FGF13: variants seen among roughly 807,000 people sequenced by gnomAD.
FGF13 encodes the protein fibroblast growth factor 13.
A neutral mutation model predicts 19.5 loss-of-function variants in FGF13; 2 were observed. That is an observed-to-expected ratio of 0.10 (90% CI 0.04 to 0.32). FGF13 has a LOEUF of 0.32. Ranked by LOEUF, FGF13 falls within the 10% of genes least tolerant of loss-of-function variation. The probability of loss-of-function intolerance (pLI) is 1.00; values close to 1 mark genes in which losing one functional copy is unlikely to be tolerated. For synonymous variants in FGF13, 72 were observed against 76.9 expected (o/e 0.94, Z 0.33); for missense variants, 113 against 192.7 (o/e 0.59, Z 2.45).
chrX:139,084,110 G>A (rs1358497654), intron 1 of FGF13, among the ~76,000 whole-genome samples: 1 of 109,362 alleles, frequency 9.1e-6, no homozygotes, highest in African/African-American at 3.3e-5. Context: ...ACAGTAGCTT[G>A]TTAGTTAGCT....
intron 3 of FGF13, among the ~76,000 whole-genome samples, chrX:138,813,068 T>C (rs775935231): frequency 8.9e-6 from 1 of 112,433 alleles, no homozygotes; most frequent in African/African-American, 3.2e-5. Context: ...ATGGTGTATA[T>C]GTGCCACATT....
rs181406482 is a variant in FGF13 at position 138,797,671 on chromosome X, T to C, written c.217+59841A>G. 1.9e-3 allele frequency among the ~76,000 whole-genome samples: 213 copies of C among 111,877 alleles called. 2 individuals are homozygous for C. Among genetic ancestry groups the C allele is most frequent in the African/African-American group, 6.8e-3 (210 of 30,774 alleles). ...TTGGCCAGTGTGGCCATTTTCACGA[T>C]ATTGACTCTTCCTATCCATGAGCAT... On this transcript the variant is annotated intron_variant, in intron 3 of 6. Coordinates refer to the FGF13 transcript ENST00000436198.
chrX:138,633,358 C>CA (rs758963309), intron 4 of FGF13, among the ~76,000 whole-genome samples: 5 of 111,175 alleles, frequency 4.5e-5, no homozygotes, highest in African/African-American at 6.5e-5. Flanking sequence ...AGAGAGTGGA[C>CA]AGGTTCAGAT....
chrX:138,891,853 C>T (rs760676757), intron 1 of FGF13, among the ~76,000 whole-genome samples: 1 of 110,638 alleles, frequency 9.0e-6, no homozygotes, highest in East Asian at 2.9e-4. Flanking sequence ...TGCTTCCTGC[C>T]CCCAAACATC....
chrX:138,708,766 A>C, intron 2 of FGF13, 52 bp downstream of exon 2: 1 of 794,417 alleles, frequency 1.3e-6, no homozygotes, highest in Non-Finnish European at 1.9e-6. Context: ...ATAAATAAAA[A>C]CAGAATGTTA....
At chrX:139,171,115 T>C (rs1453441268) in intron 1 of FGF13, among the ~76,000 whole-genome samples, 1 of 110,811 alleles carries the variant, frequency 9.0e-6, no homozygotes, top group East Asian at 2.8e-4. Flanking sequence ...CTTGATAATG[T>C]CTTTATGCTT....
intron 3 of FGF13, among the ~76,000 whole-genome samples, chrX:138,766,193 C>G (rs765841670): frequency 1.8e-5 from 2 of 111,950 alleles, no homozygotes; most frequent in East Asian, 5.6e-4. Context: ...TCTGTCTCAC[C>G]CAGAGAGCTC....
chrX:139,071,236 TG>T (rs1388049402), intron 1 of FGF13, among the ~76,000 whole-genome samples: 1 of 112,147 alleles, frequency 8.9e-6, no homozygotes, highest in East Asian at 2.8e-4. Context: ...TTTTGAGTTT[TG>T]TATTTACCGT....
Position 138,889,714 on chromosome X carries a change from A to C in FGF13, c.-112-25064T>G, listed in dbSNP as rs186411734. 7.2e-3 allele frequency among the ~76,000 whole-genome samples: 801 copies of C among 111,420 alleles called. 2 individuals are homozygous for C. Among genetic ancestry groups the C allele is most frequent in the Non-Finnish European group, 0.012 (617 of 53,066 alleles). On this transcript the variant is annotated intron_variant, in intron 1 of 2. Coordinates refer to the FGF13 transcript ENST00000421460. Reference sequence around the variant, plus strand: ...GAAAAATCATTCTCATTCATATGCCAGAGCAAAGAGTTATTACGGTGGCAT... The same window carrying C: ...GAAAAATCATTCTCATTCATATGCCCGAGCAAAGAGTTATTACGGTGGCAT...
intron 3 of FGF13, among the ~76,000 whole-genome samples, chrX:138,744,759 C>T (rs1051666826): frequency 1.8e-5 from 2 of 111,502 alleles, no homozygotes; most frequent in African/African-American, 3.3e-5. Context: ...GTTAAAGGAA[C>T]GAGTCTAAAT....
intron 2 of FGF13, among the ~76,000 whole-genome samples, chrX:138,704,824 G>T (rs980322418): frequency 1.8e-5 from 2 of 112,306 alleles, no homozygotes; most frequent in Admixed American, 1.9e-4. Flanking sequence ...TGCACAGATT[G>T]CAAGCCAAGA....
At chrX:138,855,728 C>T (rs1399820213), downstream of FGF13, among the ~76,000 whole-genome samples, 3 of 111,745 alleles carry the variant, frequency 2.7e-5, no homozygotes, top group African/African-American at 9.8e-5. Flanking sequence ...ATATTCATAA[C>T]AGTATTTACA....
intron 1 of FGF13, among the ~76,000 whole-genome samples, chrX:138,961,583 C>A (rs1011778023): frequency 8.9e-6 from 1 of 111,802 alleles, no homozygotes; most frequent in African/African-American, 3.3e-5. Context: ...TTCAGCTATG[C>A]CCTGCCATAT....
At chrX:138,838,585 C>A (rs1377763202) in intron 3 of FGF13, among the ~76,000 whole-genome samples, 5 of 111,870 alleles carry the variant, frequency 4.5e-5, no homozygotes. Flanking sequence ...TCTTTGTTCT[C>A]CATGGGTTGA....
At chrX:138,942,119 G>A (rs1289204407) in intron 1 of FGF13, among the ~76,000 whole-genome samples, 1 of 111,884 alleles carries the variant, frequency 8.9e-6, no homozygotes, top group Non-Finnish European at 1.9e-5. Context: ...ATGGGGAGAT[G>A]GGTTTTCCAT....
chrX:138,625,620 A>G lies in FGF13; in HGVS notation c.*7230T>C, dbSNP rs1366283223. On this transcript the variant is annotated 3_prime_UTR_variant, in exon 5 of 5. Coordinates refer to ENST00000315930, the MANE Select transcript of FGF13 (RefSeq NM_004114.5). ...TGAAATAAGCAAACTAAGTGAAATA[A>G]GCCAGATGAAAAAAGAAAAAAATGC... is the stretch of plus-strand genomic sequence containing the variant. The G allele has an allele frequency of 9.6e-6, 1 of 104,237 alleles. No homozygotes were observed. The highest frequency in any genetic ancestry group is 3.5e-5 in the African/African-American group (1 of 28,773). The allele number at this position is 104,237 out of a possible 1,213,427, so 8.6% of individuals were successfully genotyped here.
intron 1 of FGF13, among the ~76,000 whole-genome samples, chrX:138,867,848 C>CT (rs2091337429): frequency 9.2e-6 from 1 of 109,026 alleles, no homozygotes; most frequent in Non-Finnish European, 1.9e-5. Flanking sequence ...ATCTATCTAT[C>CT]CTCCCTAAGT....
At chrX:138,971,615 T>C (rs2091916184) in intron 1 of FGF13, among the ~76,000 whole-genome samples, 1 of 111,653 alleles carries the variant, frequency 9.0e-6, no homozygotes, top group Non-Finnish European at 1.9e-5. Flanking sequence ...TAATTGTACA[T>C]GTGTATTGGG....
At chrX:138,812,532 A>T (rs2090933756) in intron 3 of FGF13, among the ~76,000 whole-genome samples, 1 of 111,037 alleles carries the variant, frequency 9.0e-6, no homozygotes, top group Admixed American at 9.6e-5. Context: ...CTCACTATGG[A>T]AAAAGGAGAA....
Sources: allele counts gnomAD v4.1 joint callset (sites outside exome capture counted in the v4.1 genomes callset), GRCh38; gene constraint gnomAD v4.1.1; transcripts MANE v1.5; gene names NCBI Gene and HGNC (gene_info 2026-07-23, HGNC 2026-07-21).